The following RPL4 variants were observed in gnomAD, a reference collection of about 807,000 sequenced individuals.
The protein encoded by RPL4 is ribosomal protein L4.
RPL4 carries 3 observed loss-of-function variants against 47.7 expected under a neutral mutation model. The observed-to-expected ratio is 0.06, with a 90% CI of 0.03 to 0.16. The LOEUF (loss-of-function observed/expected upper bound fraction) is 0.16, where lower values mean the gene tolerates loss of function less well. Ranked by LOEUF, RPL4 falls within the 10% of genes least tolerant of loss-of-function variation. The pLI, the probability that RPL4 is intolerant of heterozygous loss-of-function variation, is 1.00. For synonymous variants in RPL4, 208 were observed against 182.1 expected, an observed-to-expected ratio of 1.14 and a Z score of -1.15; for missense variants, 413 against 551.3, an observed-to-expected ratio of 0.75 and a Z score of 2.51.
chr15:66,504,769 C>T lies in RPL4; in HGVS notation c.3+19G>A. The T allele has an allele frequency of 1.2e-6, 2 of 1,612,066 alleles. No individual in the cohort carries two copies. The highest frequency in any genetic ancestry group is 1.7e-6 in the Non-Finnish European group (2 of 1,179,298). ...CCCCGAGATACGGGGTAAGGCCAGC[C>T]AAGAGAACTTCCACTCACCATGGCG... On this transcript the variant is annotated intron_variant, in intron 1 of 9. Transcript: ENST00000307961.
At position 66,504,794 on chromosome 15, in the gene RPL4, GGA is replaced by G. The variant is rs753795953; in HGVS notation, c.-6_-5del. On this transcript the variant is annotated 5_prime_UTR_variant, in exon 1 of 10. Transcript: ENST00000307961. ...CAAGAGAACTTCCACTCACCATGGC[GGA>G]GAGAGGAGACAGCCACGCTCCTCTC... 2 of 1,611,770 alleles carry G rather than the reference GGA, an allele frequency of 1.2e-6. No individual in the cohort carries two copies. Among genetic ancestry groups the G allele is most frequent in the South Asian group, 1.1e-5 (1 of 90,694 alleles).
In RPL4 at chr15:66,499,311, C is replaced by CA; in HGVS notation, c.*95dup. 1 of 1,459,410 alleles carries CA rather than the reference C, an allele frequency of 6.9e-7. No individual in the cohort carries two copies. The highest frequency in any genetic ancestry group is 9.2e-7 in the Non-Finnish European group (1 of 1,085,284). The allele number at this position is 1,459,410 out of a possible 1,614,324, so 90.4% of individuals were successfully genotyped here. ...TCTAACCAAGCTTTACAGAGCACACCAAGTCATGTTTCTCACTGCCTGTAT... is the reference window on the plus strand; with the variant it reads ...TCTAACCAAGCTTTACAGAGCACACCAAAGTCATGTTTCTCACTGCCTGTAT... On this transcript the variant is annotated 3_prime_UTR_variant, in exon 10 of 10. Transcript: ENST00000307961.
chr15:66,502,310 G>T (rs1018218155), intron 4 of RPL4: 3 of 391,532 alleles, frequency 7.7e-6, no homozygotes, highest in African/African-American at 2.1e-5. Flanking sequence ...AAAGGTTCAC[G>T]TGAAAGAAAA....
At position 66,499,334 on chromosome 15, in the gene RPL4, T is replaced by C; in HGVS notation, c.*73A>G. On this transcript the variant is annotated 3_prime_UTR_variant, in exon 10 of 10. Transcript: ENST00000307961. ...ACCAAGTCATGTTTCTCACTGCCTGTATAATCAGGTCTTTATTCAAAAGAA... is the reference window on the plus strand; with the variant it reads ...ACCAAGTCATGTTTCTCACTGCCTGCATAATCAGGTCTTTATTCAAAAGAA... 6.6e-7 allele frequency: 1 copy of C among 1,517,054 alleles called. No individual in the cohort carries two copies. Among genetic ancestry groups the C allele is most frequent in the Non-Finnish European group, 8.8e-7 (1 of 1,130,120 alleles). The allele number at this position is 1,517,054 out of a possible 1,614,324, so 94.0% of individuals were successfully genotyped here.
At chr15:66,500,781 C>T in intron 7 of RPL4, 168 bp downstream of exon 7, 1 of 778,774 alleles carries the variant, frequency 1.3e-6, no homozygotes, top group East Asian at 2.7e-5. Flanking sequence ...AACTCTGTCT[C>T]AAAAACAAAA....
At chr15:66,502,586 ACT>A (rs1255986008) in intron 4 of RPL4, 24 bp downstream of exon 4, 11 of 1,599,768 alleles carry the variant, frequency 6.9e-6, no homozygotes, top group South Asian at 3.4e-5. Flanking sequence ...CTTCTATCAA[ACT>A]CTCTTATATA....
In RPL4 at chr15:66,499,202, A is replaced by G; in HGVS notation, c.*205T>C. 1 of 593,232 alleles carries G rather than the reference A, an allele frequency of 1.7e-6. No individual in the cohort carries two copies. The highest frequency in any genetic ancestry group is 2.9e-6 in the Non-Finnish European group (1 of 345,688). 36.7% of individuals were successfully genotyped at this position (593,232 alleles called of 1,614,324 possible). On this transcript the variant is annotated 3_prime_UTR_variant, in exon 10 of 10. Coordinates refer to ENST00000307961, the MANE Select transcript of RPL4 (RefSeq NM_000968.4). ...TTCCACTGAACTCCATGGACTTAGTATAAATCCATGCCCCATTTTATACCA... is the reference window on the plus strand; with the variant it reads ...TTCCACTGAACTCCATGGACTTAGTGTAAATCCATGCCCCATTTTATACCA...
intron 1 of RPL4, 49 bp from the exon 2 acceptor site, chr15:66,503,578 C>G: frequency 6.5e-7 from 1 of 1,532,166 alleles, no homozygotes; most frequent in Non-Finnish European, 8.8e-7. Flanking sequence ...ATGTTTGAAG[C>G]AAACTCTTCT....
Position 66,504,828 on chromosome 15 carries a change from G to A in RPL4, c.-38C>T, listed in dbSNP as rs773004678. ...AGACAGCCACGCTCCTCTCAGCCCG[G>A]CTGCTGCCACAGGAAAAGGAAGTGC... On this transcript the variant is annotated 5_prime_UTR_variant, in exon 1 of 10. Transcript: ENST00000307961. The A allele has an allele frequency of 6.2e-7, 1 of 1,608,630 alleles. No individual in the cohort carries two copies. The highest frequency in any genetic ancestry group is 1.1e-5 in the South Asian group (1 of 90,298).
Position 66,500,304 on chromosome 15 carries a change from A to C in RPL4, c.906T>G (p.Leu302=). 1 of 1,614,184 alleles carries C rather than the reference A, an allele frequency of 6.2e-7. No homozygotes were observed. The highest frequency in any genetic ancestry group is 1.1e-5 in the South Asian group (1 of 91,076). ...ILKSPEIQRA[L]RAPRKKIHRR... is the part of the protein sequence containing the mutation. ...AAGTATCACTTTACCGTGGTGCTCG[A>C]AGGGCTCTTTGGATCTCTGGGCTTT... Residue 302 remains leucine, a synonymous_variant, in exon 8 of 10, where the codon CTT becomes CTG. Transcript: ENST00000307961.
intron 6 of RPL4, 57 bp from the exon 7 acceptor site, chr15:66,501,162 C>T (rs2140713980): frequency 1.9e-6 from 3 of 1,598,176 alleles, no homozygotes; most frequent in Non-Finnish European, 2.6e-6. Flanking sequence ...AAACACAAAT[C>T]ATCTTTATGG....
chr15:66,503,094 A>C lies in RPL4; in HGVS notation c.246T>G (p.Gly82=), dbSNP rs1231888417. The change falls in exon 3 of 10, where the codon GGT becomes GGG. Residue 82 remains glycine, a synonymous_variant. Coordinates refer to ENST00000307961, the MANE Select transcript of RPL4 (RefSeq NM_000968.4). ...CACCCTGGCCAGAGCGGTGAGTCCC[A>C]CCACCTCGAACTCTGGGAATTCGAG... ...AVARIPRVRG[G]GTHRSGQGAF... The C allele has an allele frequency of 3.1e-6, 5 of 1,614,090 alleles. No homozygotes were observed. The highest frequency in any genetic ancestry group is 4.2e-6 in the Non-Finnish European group (5 of 1,179,976).
At position 66,500,392 on chromosome 15, in the gene RPL4, T is replaced by C. The variant is rs777760107; in HGVS notation, c.834-16A>G. On this transcript the variant is annotated splice_polypyrimidine_tract_variant and intron_variant, in intron 7 of 9. Transcript: ENST00000307961. The stretch of plus-strand genomic sequence containing the variant: ...CATGGGAAGACTGAAAGGGAAAAGA[T>C]TGACATGTACATGTAAAAGTAATCA... 28 of 1,607,978 alleles carry C rather than the reference T, an allele frequency of 1.7e-5. No homozygotes were observed. The highest frequency in any genetic ancestry group is 4.4e-5 in the South Asian group (4 of 90,762).
chr15:66,504,188 G>A (rs1567035990), intron 1 of RPL4, among the ~76,000 whole-genome samples: 1 of 152,086 alleles, frequency 6.6e-6, no homozygotes, highest in Non-Finnish European at 1.5e-5. Flanking sequence ...ACTGTTTAAA[G>A]CCAAACCACT....
chr15:66,502,050 T>C (rs1407524410), intron 4 of RPL4, 138 bp from the exon 5 acceptor site: 3 of 1,148,286 alleles, frequency 2.6e-6, no homozygotes, highest in East Asian at 2.4e-5. Context: ...TATCATGTGT[T>C]TCAGAAACAC....
At position 66,499,634 on chromosome 15, in the gene RPL4, T is replaced by TA. The variant is rs1355424251; in HGVS notation, c.1056dup (p.Lys353Ter). On this transcript the variant is annotated frameshift_variant, in exon 10 of 10. Coordinates refer to ENST00000307961, the MANE Select transcript of RPL4 (RefSeq NM_000968.4). LOFTEE classifies it low-confidence loss of function (END_TRUNC). ...AGTGCCGCTGCTGCAGCAGCTGCCT[T>TA]ATCCACCCGGAGCTTGTGCTGCAAC... The TA allele has an allele frequency of 3.1e-6, 5 of 1,614,012 alleles. No homozygotes were observed. In the South Asian group the frequency reaches 5.5e-5, roughly 18 times the overall value.
Position 66,500,058 on chromosome 15 carries a change from T to G in RPL4, c.1036A>C (p.Asn346His), listed in dbSNP as rs1303780501. ...RRNTILRQAR[N>H]HKLRVDKAAA... ...AAACAAACAAAAACTCCACTCACAT[T>G]CCTGGCCTGGCGAAGAATGGTGTTC... The change falls in exon 9 of 10, where the codon AAT becomes CAT. Residue 346 changes from asparagine to histidine, a missense_variant and splice_region_variant. Around this residue, in one of 4 missense-constraint regions of RPL4, gnomAD observed 134 missense variants for 122.7 expected, o/e 1.09. Coordinates refer to ENST00000307961, the MANE Select transcript of RPL4 (RefSeq NM_000968.4). 3 of 1,611,780 alleles carry G rather than the reference T, an allele frequency of 1.9e-6. No individual in the cohort carries two copies. The Admixed American group carries it at 5.0e-5, about 27-fold the overall frequency.
At chr15:66,501,702 AGCTATACT>A in intron 5 of RPL4, 78 bp downstream of exon 5, 1 of 1,562,952 alleles carries the variant, frequency 6.4e-7, no homozygotes, top group Non-Finnish European at 8.7e-7. Context: ...ATTAAGGATT[AGCTATACT>A]GCCCTTATCT....
intron 4 of RPL4, 147 bp from the exon 5 acceptor site, chr15:66,502,059 A>T (rs377674259): frequency 3.8e-6 from 4 of 1,046,786 alleles, no homozygotes; most frequent in Non-Finnish European, 5.9e-6. Flanking sequence ...TTTCAGAAAC[A>T]CGGACCAATT....
Sources: gnomAD v4.1 joint callset for allele counts (sites outside exome capture counted in the v4.1 genomes callset) on GRCh38, gnomAD v4.1.1 for gene constraint, gnomAD v4.1.1 regional missense constraint, MANE v1.5 for transcripts, NCBI Gene and HGNC (gene_info 2026-07-23, HGNC 2026-07-21) for gene names.